Variants in TLCD4 observed in about 807,000 individuals in gnomAD.
The protein encoded by TLCD4 is TLC domain-containing protein 4.
In TLCD4, 7 loss-of-function variants were observed where a neutral mutation model predicts 24.2. That is an observed-to-expected ratio of 0.29 (90% confidence interval 0.16 to 0.54). The LOEUF (loss-of-function observed/expected upper bound fraction) is 0.54. Among genes scored for constraint, TLCD4 ranks in the 20% least tolerant of loss-of-function variants. TLCD4 has a pLI of 0.95. For missense variants in TLCD4, 259 were observed against 313.9 expected (o/e 0.82, Z 1.32); for synonymous variants, 103 against 106.4 (o/e 0.97, Z 0.20).
intron 1 of TLCD4, among the ~76,000 whole-genome samples, chr1:95,142,058 G>A (rs561347831): frequency 6.6e-6 from 1 of 150,964 alleles, no homozygotes; most frequent in Non-Finnish European, 1.5e-5. Flanking sequence ...TTTTTCATTT[G>A]AGAATCAGCT....
intron 5 of TLCD4, among the ~76,000 whole-genome samples, chr1:95,172,771 A>T (rs1678273409): frequency 6.6e-6 from 1 of 152,174 alleles, no homozygotes; most frequent in South Asian, 2.1e-4. Context: ...CTCATTTGGA[A>T]GGCAGCATGG....
At chr1:95,162,928 C>T (rs926612711) in intron 5 of TLCD4, among the ~76,000 whole-genome samples, 4 of 152,176 alleles carry the variant, frequency 2.6e-5, no homozygotes, top group African/African-American at 9.7e-5. Flanking sequence ...TCTGGCTGCC[C>T]TTAACATTTT....
chr1:95,096,836 C>T, the TLCD4 span, among the ~76,000 whole-genome samples: 1 of 152,224 alleles, frequency 6.6e-6, no homozygotes, highest in African/African-American at 2.4e-5. Context: ...CCTCCCCTCA[C>T]ACCATGTGTG....
rs145320388 is a variant in TLCD4, at chr1:95,125,908, T to C, written c.-12+8291T>C. On this transcript the variant is annotated intron_variant, in intron 1 of 6. Transcript: ENST00000370203. ...GGCTCAGACCTGCAATCCCAGCACTTTGGGAGGCTGAGGCAGGAGGGTCAC... is the reference window on the plus strand; with the variant it reads ...GGCTCAGACCTGCAATCCCAGCACTCTGGGAGGCTGAGGCAGGAGGGTCAC... Among the ~76,000 whole-genome samples the C allele has an allele frequency of 4.7e-3, 713 of 152,134 alleles. 7 individuals carry two copies. The highest frequency in any genetic ancestry group is 0.016 in the African/African-American group (668 of 41,512).
the TLCD4 span, among the ~76,000 whole-genome samples, chr1:95,099,564 T>C: frequency 3.3e-4 from 50 of 152,230 alleles, no homozygotes; most frequent in Non-Finnish European, 5.7e-4. Flanking sequence ...GGAACTATTT[T>C]ATTATTCATC....
At chr1:95,153,891 T>C (rs1677558430) in intron 5 of TLCD4, among the ~76,000 whole-genome samples, 1 of 152,144 alleles carries the variant, frequency 6.6e-6, no homozygotes, top group East Asian at 1.9e-4. Flanking sequence ...TTATTCTGGA[T>C]TGATTCTGAT....
intron 5 of TLCD4, among the ~76,000 whole-genome samples, chr1:95,158,720 TATCGGTCACTTCTCACCTATGA>T: frequency 7.0e-6 from 1 of 143,706 alleles, no homozygotes; most frequent in Middle Eastern, 3.5e-3. Flanking sequence ...CAAGTGTTCT[TATCGGTCACTTCTCACCTATGA>T]GTGAGAACAT....
At chr1:95,148,872 A>G (rs1242831699) in intron 3 of TLCD4, 81 bp downstream of exon 3, 30 of 1,530,288 alleles carry the variant, frequency 2.0e-5, no homozygotes, top group Non-Finnish European at 2.3e-5. Flanking sequence ...ACTTACTTTA[A>G]AACAGAAAAC....
chr1:95,093,347 A>G, the TLCD4 span, among the ~76,000 whole-genome samples: 1 of 152,222 alleles, frequency 6.6e-6, no homozygotes, highest in Non-Finnish European at 1.5e-5. Context: ...TATTTTTCAA[A>G]TGGAAGTTTT....
intron 6 of TLCD4, among the ~76,000 whole-genome samples, chr1:95,181,797 G>A (rs1437499525): frequency 1.3e-5 from 2 of 151,784 alleles, no homozygotes; most frequent in Non-Finnish European, 2.9e-5. Context: ...TTTTTTGTAT[G>A]TTTAGTACAG....
At chr1:95,142,875 G>T (rs12407573) in intron 1 of TLCD4, among the ~76,000 whole-genome samples, 1 of 151,574 alleles carries the variant, frequency 6.6e-6, no homozygotes, top group African/African-American at 2.4e-5. Context: ...GCTTGAATCC[G>T]GGAGGCGGAG....
intron 2 of TLCD4, among the ~76,000 whole-genome samples, chr1:95,147,220 T>G (rs1439551649): frequency 6.6e-6 from 1 of 151,922 alleles, no homozygotes; most frequent in Non-Finnish European, 1.5e-5. Context: ...ATTACAGGTG[T>G]GTACCACCAT....
At chr1:95,125,217 A>G (rs1263806100) in intron 1 of TLCD4, among the ~76,000 whole-genome samples, 1 of 152,132 alleles carries the variant, frequency 6.6e-6, no homozygotes, top group African/African-American at 2.4e-5. Flanking sequence ...TATGTGACTT[A>G]CTACACCTGA....
Position 95,195,939 on chromosome 1 carries a change from T to G in TLCD4, c.*4071T>G, listed in dbSNP as rs1248176132. 1 of 152,202 alleles carries G rather than the reference T, an allele frequency of 6.6e-6. No individual in the cohort carries two copies. The highest frequency in any genetic ancestry group is 1.5e-5 in the Non-Finnish European group (1 of 68,020). The allele number at this position is 152,202 out of a possible 1,614,324, so 9.4% of individuals were successfully genotyped here. On this transcript the variant is annotated 3_prime_UTR_variant, in exon 7 of 7. Transcript: ENST00000370203. ...TGCTAACACCTTTCGCTGTCAACTT[T>G]TGAGACCTCCCCATGTATCTATAAG...
intron 2 of TLCD4, among the ~76,000 whole-genome samples, chr1:95,144,635 TA>T (rs1239220930): frequency 3.3e-5 from 5 of 152,024 alleles, no homozygotes; most frequent in African/African-American, 1.2e-4. Flanking sequence ...GAGAAAGAAT[TA>T]GACATCTATT....
chr1:95,139,679 C>T (rs1677146703), intron 1 of TLCD4, among the ~76,000 whole-genome samples: 1 of 151,720 alleles, frequency 6.6e-6, no homozygotes, highest in Non-Finnish European at 1.5e-5. Flanking sequence ...AGGCTGGTCT[C>T]GAACACTTGA....
the TLCD4 span, among the ~76,000 whole-genome samples, chr1:95,109,392 T>A: frequency 1.3e-5 from 1 of 76,072 alleles, no homozygotes; most frequent in Non-Finnish European, 3.0e-5. Context: ...TTACATACAT[T>A]GACTTTTTCT....
At chr1:95,187,831 T>C (rs1188374625) in intron 6 of TLCD4, among the ~76,000 whole-genome samples, 4 of 151,864 alleles carry the variant, frequency 2.6e-5, no homozygotes, top group Admixed American at 2.0e-4. Flanking sequence ...GGAAGCCGGA[T>C]GTCCAAGACC....
At chr1:95,096,732 T>G in the TLCD4 span, among the ~76,000 whole-genome samples, 1 of 152,216 alleles carries the variant, frequency 6.6e-6, no homozygotes, top group East Asian at 1.9e-4. Context: ...ACTATTTCAC[T>G]GGACTCTAGG....
Sources: gnomAD v4.1 joint callset for allele counts (sites outside exome capture counted in the v4.1 genomes callset) on GRCh38, gnomAD v4.1.1 for gene constraint, MANE v1.5 for transcripts, NCBI Gene and HGNC (gene_info 2026-07-23, HGNC 2026-07-21) for gene names.